The following ANO2 variants were observed in gnomAD, a reference collection of about 807,000 sequenced individuals.
The protein encoded by ANO2 is anoctamin 2.
ANO2 carries 101 observed loss-of-function variants against 124.2 expected under a neutral mutation model. That is an observed-to-expected ratio of 0.81 (90% CI 0.69 to 0.96). The LOEUF (loss-of-function observed/expected upper bound fraction) is 0.96. Ranked by LOEUF, ANO2 falls within the 40% of genes least tolerant of loss-of-function variation. ANO2 has a pLI of 0.00. For synonymous variants in ANO2, 486 were observed against 482.5 expected (o/e 1.01, Z -0.09); for missense variants, 1,293 against 1,274.5 (o/e 1.01, Z -0.22).
chr12:5,666,398 T>C (rs377075006), intron 14 of ANO2, among the ~76,000 whole-genome samples: 25 of 152,330 alleles, frequency 1.6e-4, no homozygotes, highest in East Asian at 7.7e-4. Flanking sequence ...GGGGCCACCC[T>C]TGTGTCCTCT....
At chr12:5,770,689 A>G (rs1952052165) in intron 10 of ANO2, among the ~76,000 whole-genome samples, 1 of 151,838 alleles carries the variant, frequency 6.6e-6, no homozygotes, top group Non-Finnish European at 1.5e-5. Flanking sequence ...TTTTCACTAC[A>G]CTTCTGTCAG....
chr12:5,771,348 C>T (rs969313096), intron 10 of ANO2, among the ~76,000 whole-genome samples: 4 of 152,024 alleles, frequency 2.6e-5, no homozygotes, highest in African/African-American at 7.3e-5. Context: ...CTAATTTCAA[C>T]CTATGCTTAC....
At chr12:5,575,159 C>T (rs980716530) in intron 23 of ANO2, among the ~76,000 whole-genome samples, 15 of 152,166 alleles carry the variant, frequency 9.9e-5, no homozygotes, top group African/African-American at 3.6e-4. Context: ...ATCTCCCTCT[C>T]CTCTGAGCAC....
intron 3 of ANO2, among the ~76,000 whole-genome samples, chr12:5,889,348 G>A (rs535379002): frequency 2.0e-5 from 3 of 152,392 alleles, no homozygotes; most frequent in African/African-American, 4.8e-5. Flanking sequence ...AGTGGGAGCC[G>A]AGAGCGAGCG....
chr12:5,775,244 C>T (rs757302628), intron 10 of ANO2, among the ~76,000 whole-genome samples: 6 of 151,698 alleles, frequency 4.0e-5, no homozygotes, highest in Admixed American at 2.0e-4. Context: ...ATATTACTAA[C>T]GGATAAGAGA....
intron 14 of ANO2, among the ~76,000 whole-genome samples, chr12:5,697,118 A>G (rs1478805957): frequency 2.0e-5 from 3 of 152,210 alleles, no homozygotes; most frequent in Non-Finnish European, 2.9e-5. Flanking sequence ...CAGTAGAACT[A>G]GAAAAGGAAA....
chr12:5,821,197 A>G (rs1282076819), intron 7 of ANO2, among the ~76,000 whole-genome samples: 1 of 152,230 alleles, frequency 6.6e-6, no homozygotes, highest in Non-Finnish European at 1.5e-5. Context: ...TGGGAAAAAA[A>G]TCTGACTAAA....
intron 3 of ANO2, among the ~76,000 whole-genome samples, chr12:5,869,576 G>A (rs935104990): frequency 1.3e-4 from 20 of 152,122 alleles, no homozygotes; most frequent in Non-Finnish European, 2.8e-4. Context: ...TCTAGGCCTC[G>A]GCCCTATCCC....
chr12:5,677,170 C>T (rs557809772), intron 14 of ANO2, among the ~76,000 whole-genome samples: 1 of 152,012 alleles, frequency 6.6e-6, no homozygotes, highest in East Asian at 1.9e-4. Flanking sequence ...CTCCATGATT[C>T]ACATCTGGAA....
At chr12:5,715,479 T>C (rs1385034311) in intron 14 of ANO2, among the ~76,000 whole-genome samples, 3 of 152,166 alleles carry the variant, frequency 2.0e-5, no homozygotes, top group African/African-American at 7.2e-5. Flanking sequence ...ATTCCCAGGA[T>C]GAGATAAATT....
intron 7 of ANO2, among the ~76,000 whole-genome samples, chr12:5,808,553 A>G (rs897401259): frequency 6.6e-6 from 1 of 152,168 alleles, no homozygotes; most frequent in Non-Finnish European, 1.5e-5. Flanking sequence ...TTTCTGGTAC[A>G]CAATGATTTC....
chr12:5,940,062 AATGGATGG>A (rs200562212), intron 1 of ANO2, among the ~76,000 whole-genome samples: 3 of 151,606 alleles, frequency 2.0e-5, no homozygotes, highest in East Asian at 1.9e-4. Flanking sequence ...TTTTTAAATC[AATGGATGG>A]ATGGATGGAT....
chr12:5,813,785 G>A (rs990122409), intron 7 of ANO2, among the ~76,000 whole-genome samples: 1 of 152,178 alleles, frequency 6.6e-6, no homozygotes, highest in Non-Finnish European at 1.5e-5. Context: ...TGGCTCATAT[G>A]TACAGATCAT....
chr12:5,730,643 C>T (rs961203392), intron 14 of ANO2, among the ~76,000 whole-genome samples: 9 of 152,198 alleles, frequency 5.9e-5, no homozygotes, highest in South Asian at 2.1e-4. Context: ...CAATGCTATG[C>T]GGTGGGTATT....
At chr12:5,656,677 T>G (rs538770529) in intron 14 of ANO2, among the ~76,000 whole-genome samples, 1 of 152,332 alleles carries the variant, frequency 6.6e-6, no homozygotes, top group South Asian at 2.1e-4. Flanking sequence ...AACCATAGTG[T>G]CAGATACATA....
chr12:5,614,352 G>A (rs1944689043), intron 17 of ANO2, among the ~76,000 whole-genome samples: 2 of 152,154 alleles, frequency 1.3e-5, no homozygotes, highest in African/African-American at 4.8e-5. Context: ...ATGGGGGCAG[G>A]CCATGCCAGA....
At chr12:5,651,920 TTGG>T (rs1277909796) in intron 14 of ANO2, among the ~76,000 whole-genome samples, 3 of 152,246 alleles carry the variant, frequency 2.0e-5, no homozygotes, top group African/African-American at 7.2e-5. Flanking sequence ...GTTGCATGTC[TTGG>T]TAGTTTGTTC....
chr12:5,833,373 A>G (rs1954216647), intron 4 of ANO2, among the ~76,000 whole-genome samples: 1 of 152,200 alleles, frequency 6.6e-6, no homozygotes, highest in African/African-American at 2.4e-5. Context: ...TGTATTTCTC[A>G]TAGCAAAGCT....
chr12:5,639,947 C>A (rs563415776), intron 15 of ANO2, among the ~76,000 whole-genome samples: 1 of 152,076 alleles, frequency 6.6e-6, no homozygotes, highest in Non-Finnish European at 1.5e-5. Flanking sequence ...AAATGAGTAT[C>A]TGGGGCACAG....
Sources: gnomAD v4.1 joint callset for allele counts (sites outside exome capture counted in the v4.1 genomes callset) on GRCh38, gnomAD v4.1.1 for gene constraint, MANE v1.5 for transcripts, NCBI Gene and HGNC (gene_info 2026-07-23, HGNC 2026-07-21) for gene names.